Variants in NME9 observed in about 807,000 individuals in gnomAD.
NME9 encodes the protein thioredoxin domain-containing protein 6.
A neutral mutation model predicts 44.4 loss-of-function variants in NME9; 48 were observed. The observed-to-expected ratio is 1.08, with a 90% CI of 0.86 to 1.37. NME9 has a LOEUF of 1.37. Ranked by LOEUF, NME9 falls within the 40% of genes most tolerant of loss-of-function variation. The probability of loss-of-function intolerance (pLI) is 0.00; values close to 1 mark genes in which losing one functional copy is unlikely to be tolerated. For synonymous variants in NME9, 139 were observed against 147.1 expected, an observed-to-expected ratio of 0.94 and a Z score of 0.40; for missense variants, 325 against 405.2, an observed-to-expected ratio of 0.80 and a Z score of 1.70.
chr3:138,297,182 A>C (rs1560072895), downstream of NME9: 1 of 152,250 alleles, frequency 6.6e-6, no homozygotes, highest in Non-Finnish European at 1.5e-5. Context: ...GCATGAAGCT[A>C]AAAGCACTCA....
At chr3:138,319,269 A>G (rs946090351) in intron 3 of NME9, among the ~76,000 whole-genome samples, 5 of 152,198 alleles carry the variant, frequency 3.3e-5, no homozygotes, top group South Asian at 2.1e-4. Context: ...GCTCAAGCCA[A>G]GAGGGACACA....
At chr3:138,324,708 A>G in intron 2 of NME9, 165 bp downstream of exon 2, 1 of 609,496 alleles carries the variant, frequency 1.6e-6, no homozygotes, top group Non-Finnish European at 3.0e-6. Flanking sequence ...ACACACACAC[A>G]CACACACACA....
chr3:138,291,165 C>T (rs1302857431), intron 8 of NME9, among the ~76,000 whole-genome samples: 2 of 152,210 alleles, frequency 1.3e-5, no homozygotes, highest in Non-Finnish European at 2.9e-5. Flanking sequence ...TGTGTGTTCT[C>T]CCTTGTAACA....
In NME9 at chr3:138,301,605, C is replaced by T; in HGVS notation, c.*35G>A. 1.3e-6 allele frequency: 2 copies of T among 1,535,966 alleles called. No homozygotes were observed. The highest frequency in any genetic ancestry group is 1.7e-6 in the Non-Finnish European group (2 of 1,146,826). ...GAGGTCTGTTTTGTGCAGTAGACCC[C>T]TGGTCACGTGCTCTGGAAGAGCAGC... On this transcript the variant is annotated 3_prime_UTR_variant, in exon 11 of 11. Transcript: ENST00000333911.
chr3:138,316,295 A>G (rs1427143486), intron 4 of NME9, among the ~76,000 whole-genome samples: 3 of 152,210 alleles, frequency 2.0e-5, no homozygotes, highest in Non-Finnish European at 4.4e-5. Flanking sequence ...TGATTTATTC[A>G]TTCAACAAAT....
intron 8 of NME9, among the ~76,000 whole-genome samples, chr3:138,274,233 A>G (rs76520389): frequency 0.016 from 2,333 of 142,342 alleles, 62 homozygotes; most frequent in African/African-American, 0.061. Context: ...GTGTATATAC[A>G]TGTGTGTGTG....
intron 8 of NME9, chr3:138,274,354 A>G: frequency 1.3e-6 from 1 of 759,080 alleles, no homozygotes; most frequent in East Asian, 2.5e-5. Context: ...TGCATGAAGC[A>G]GTTGTGAATC....
intron 8 of NME9, among the ~76,000 whole-genome samples, chr3:138,266,038 T>C (rs1361344332): frequency 6.6e-6 from 1 of 152,204 alleles, no homozygotes; most frequent in African/African-American, 2.4e-5. Context: ...AGTGTCACAA[T>C]ATGGTCTTAT....
Position 138,262,698 on chromosome 3 carries a change from C to T in NME9, c.746-112G>A. 4 of 1,091,684 alleles carry T rather than the reference C, an allele frequency of 3.7e-6. No homozygotes were observed. The South Asian group carries it at 7.4e-5, about 20-fold the overall frequency. 67.6% of individuals were successfully genotyped at this position (1,091,684 alleles called of 1,614,324 possible). A position where few individuals can be genotyped will look rare whatever the true frequency, so the allele number is the denominator to read the frequency against. On this transcript the variant is annotated intron_variant, in intron 8 of 8. Transcript: ENST00000317876. The stretch of plus-strand genomic sequence containing the variant: ...GACATAGGATTAAAAAAAAAAATCT[C>T]CCCAGGTAATTCTTCTGCAAGGACA...
rs868082243 is a variant in NME9, at chr3:138,315,565, C to T, written c.346G>A (p.Glu116Lys). The T allele has an allele frequency of 1.5e-5, 23 of 1,536,572 alleles. No individual in the cohort carries two copies. The highest frequency in any genetic ancestry group is 2.0e-5 in the Non-Finnish European group (23 of 1,146,994). ...CTGCCTTCAGCCAGCACTTTCTTTT[C>T]GGCCTCCAGCTGGTCTAGGATGGTT... is the stretch of plus-strand genomic sequence containing the variant. ...QKTILDQLEA[E>K]KKVLAEGRER... The change falls in exon 5 of 11, where the codon GAA becomes AAA. Residue 116 changes from glutamate to lysine, a missense_variant. Glu to Lys is a moderately conservative substitution (Grantham distance 56). Coordinates refer to ENST00000333911, the MANE Select transcript of NME9 (RefSeq NM_001349018.2).
intron 8 of NME9, among the ~76,000 whole-genome samples, chr3:138,263,057 A>G (rs1229794093): frequency 6.6e-6 from 1 of 152,256 alleles, no homozygotes; most frequent in Non-Finnish European, 1.5e-5. Context: ...TGATGTCATG[A>G]GTACTTTATT....
chr3:138,300,951 G>C (rs910217583), downstream of NME9: 10 of 526,420 alleles, frequency 1.9e-5, no homozygotes, highest in African/African-American at 2.1e-5. Context: ...AGTCAATCTT[G>C]CTGCACTGTT....
At chr3:138,308,620 G>C (rs1000900061) in intron 6 of NME9, among the ~76,000 whole-genome samples, 3 of 152,152 alleles carry the variant, frequency 2.0e-5, no homozygotes, top group African/African-American at 7.2e-5. Flanking sequence ...GTTCAAATAA[G>C]AACTAAGGAA....
At chr3:138,307,074 C>T (rs757302176) in intron 6 of NME9, among the ~76,000 whole-genome samples, 3 of 152,224 alleles carry the variant, frequency 2.0e-5, no homozygotes, top group Non-Finnish European at 4.4e-5. Context: ...TGTTCCATGA[C>T]TTCTCAGCTC....
chr3:138,315,653 G>A lies in NME9; in HGVS notation c.268-10C>T, dbSNP rs929393657. On this transcript the variant is annotated splice_polypyrimidine_tract_variant and intron_variant, in intron 4 of 10. Transcript: ENST00000333911. ...CCACCAGTTCTCCTCCCTAGAATAC[G>A]TTACAAACAGCATGAAATACTCTTG... 103 of 1,509,980 alleles carry A rather than the reference G, an allele frequency of 6.8e-5. No homozygotes were observed. Among genetic ancestry groups the A allele is most frequent in the African/African-American group, 2.2e-4 (16 of 72,490 alleles). 93.5% of individuals were successfully genotyped at this position (1,509,980 alleles called of 1,614,324 possible). A position where few individuals can be genotyped will look rare whatever the true frequency, so the allele number is the denominator to read the frequency against.
chr3:138,268,273 GA>G (rs1268912977), intron 8 of NME9, among the ~76,000 whole-genome samples: 1 of 152,126 alleles, frequency 6.6e-6, no homozygotes, highest in African/African-American at 2.4e-5. Flanking sequence ...AAACAAGATG[GA>G]GGTTCAGAAA....
intron 8 of NME9, among the ~76,000 whole-genome samples, chr3:138,284,011 A>G (rs1450201788): frequency 6.6e-6 from 1 of 152,188 alleles, no homozygotes; most frequent in Non-Finnish European, 1.5e-5. Flanking sequence ...CTTCCCTGGG[A>G]GGGGAGTTGC....
In NME9 at chr3:138,319,529, G is replaced by T. The variant is rs1428683626; in HGVS notation, c.144C>A (p.Leu48=). 5 of 1,613,818 alleles carry T rather than the reference G, an allele frequency of 3.1e-6. No homozygotes were observed. Among genetic ancestry groups the T allele is most frequent in the East Asian group, 2.2e-5 (1 of 44,878 alleles). Residue 48 remains leucine, a synonymous_variant, in exon 3 of 11, where the codon CTC becomes CTA. Coordinates refer to ENST00000333911, the MANE Select transcript of NME9 (RefSeq NM_001349018.2). ...CGACCTCGATCCTCATCTTCTGGAAGAGGCTCACCACAGGTTTGCAGGGGC... is the reference window on the plus strand; with the variant it reads ...CGACCTCGATCCTCATCTTCTGGAATAGGCTCACCACAGGTTTGCAGGGGC... ...WCGPCKPVVS[L]FQKMRIEVGL...
chr3:138,315,683 A>G, intron 4 of NME9, 40 bp from the exon 5 acceptor site: 1 of 1,428,852 alleles, frequency 7.0e-7, no homozygotes, highest in East Asian at 2.5e-5. Flanking sequence ...CTCTTGGCAA[A>G]TATTAATCTC....
Sources: gnomAD v4.1 joint callset for allele counts (sites outside exome capture counted in the v4.1 genomes callset) on GRCh38, gnomAD v4.1.1 for gene constraint, MANE v1.5 for transcripts, NCBI Gene and HGNC (gene_info 2026-07-23, HGNC 2026-07-21) for gene names.